Variants in CD1A observed in about 807,000 individuals in gnomAD.
The protein encoded by CD1A is T-cell surface glycoprotein CD1a.
In CD1A, 50 loss-of-function variants were observed where a neutral mutation model predicts 38.3. That is an observed-to-expected ratio of 1.30 (90% CI 1.04 to 1.65). The LOEUF (loss-of-function observed/expected upper bound fraction) is 1.65. Ranked by LOEUF, CD1A falls within the 40% of genes most tolerant of loss-of-function variation. The pLI, the probability that CD1A is intolerant of heterozygous loss-of-function variation, is 0.00. For missense variants in CD1A, 459 were observed against 406.1 expected, an observed-to-expected ratio of 1.13 and a Z score of -1.12; for synonymous variants, 160 against 150.8, an observed-to-expected ratio of 1.06 and a Z score of -0.45.
chr1:158,256,260 A>ATCTCC lies in CD1A; in HGVS notation c.582_583insTCTCC (p.Lys195SerfsTer10). ...TCATCTTGGGTCTTCTTGATGCAGGAAAGGCACATCTCCAGCGGCAAGGTC... is the reference window on the plus strand; with the variant it reads ...TCATCTTGGGTCTTCTTGATGCAGGATCTCCAAGGCACATCTCCAGCGGCAAGGTC... On this transcript the variant is annotated frameshift_variant, in exon 3 of 6. Transcript: ENST00000289429. LOFTEE classifies it high-confidence loss of function. The ATCTCC allele has an allele frequency of 6.2e-7, 1 of 1,614,030 alleles. No individual in the cohort carries two copies. Among genetic ancestry groups the ATCTCC allele is most frequent in the Non-Finnish European group, 8.5e-7 (1 of 1,179,998 alleles).
upstream of CD1A, among the ~76,000 whole-genome samples, chr1:158,251,625 GT>G (rs1650091208): frequency 6.6e-6 from 1 of 152,140 alleles, no homozygotes; most frequent in Non-Finnish European, 1.5e-5. Context: ...TAAGAGCACT[GT>G]CTTTTGTTCT....
the CD1A span, among the ~76,000 whole-genome samples, chr1:158,248,939 T>C: frequency 6.6e-6 from 1 of 152,178 alleles, no homozygotes; most frequent in East Asian, 1.9e-4. Context: ...CTGATAAAGA[T>C]CAGCTCTGCC....
chr1:158,249,075 GCTCATAAAA>G, the CD1A span, among the ~76,000 whole-genome samples: 4 of 152,232 alleles, frequency 2.6e-5, no homozygotes, highest in South Asian at 8.3e-4. Flanking sequence ...TTTCTGATCA[GCTCATAAAA>G]CTTTGGTCCC....
In CD1A at chr1:158,256,900, G is replaced by A. The variant is rs141060322; in HGVS notation, c.719G>A (p.Gly240Asp). Residue 240 changes from glycine (G) to aspartate (D), a missense_variant, in exon 4 of 6, where the codon GGT becomes GAT. Transcript: ENST00000289429. ...PKPVWVMWMR[G>D]EQEQQGTQRG... ...CCCGTGTGGGTGATGTGGATGCGGG[G>A]TGAGCAGGAGCAGCAGGGCACTCAG... 3.7e-3 allele frequency: 5,933 copies of A among 1,614,210 alleles called. 18 individuals are homozygous for A. Among genetic ancestry groups the A allele is most frequent in the Middle Eastern group, 5.6e-3 (34 of 6,056 alleles).
At chr1:158,254,823 G>A in intron 1 of CD1A, 96 bp downstream of exon 1, 1 of 836,720 alleles carries the variant, frequency 1.2e-6, no homozygotes. Flanking sequence ...GTGTGTGTGT[G>A]TGTGTGTGTG....
upstream of CD1A, among the ~76,000 whole-genome samples, chr1:158,253,724 G>A (rs186374029): frequency 1.8e-3 from 271 of 152,262 alleles, 1 homozygote; most frequent in Non-Finnish European, 2.9e-3. Flanking sequence ...CTGGGCTGGC[G>A]TACATTAGTT....
chr1:158,251,231 A>G (rs1650079028), upstream of CD1A, among the ~76,000 whole-genome samples: 1 of 152,252 alleles, frequency 6.6e-6, no homozygotes, highest in Non-Finnish European at 1.5e-5. Flanking sequence ...CTTCATGTAC[A>G]GTAGGCAGAA....
At chr1:158,255,500 G>A in intron 2 of CD1A, 150 bp downstream of exon 2, 1 of 811,676 alleles carries the variant, frequency 1.2e-6, no homozygotes, top group South Asian at 1.8e-5. Flanking sequence ...TTTTGGGCAA[G>A]GGCTATCATC....
In CD1A at chr1:158,256,769, T is replaced by C; in HGVS notation, c.605-17T>C. 6.2e-7 allele frequency: 1 copy of C among 1,607,664 alleles called. No homozygotes were observed. The highest frequency in any genetic ancestry group is 8.5e-7 in the Non-Finnish European group (1 of 1,175,256). Reference sequence around the variant, plus strand: ...AACTCCAAGTCTGTATTTGAATATCTTTTCTGTCCTTTGCAGTGAAGCCCG... The same window carrying C: ...AACTCCAAGTCTGTATTTGAATATCCTTTCTGTCCTTTGCAGTGAAGCCCG... On this transcript the variant is annotated splice_polypyrimidine_tract_variant and intron_variant, in intron 3 of 5. Coordinates refer to ENST00000289429, the MANE Select transcript of CD1A (RefSeq NM_001763.3).
At chr1:158,256,689 AG>A in intron 3 of CD1A, 96 bp from the exon 4 acceptor site, 13 of 1,397,478 alleles carry the variant, frequency 9.3e-6, no homozygotes, top group South Asian at 1.4e-5. Context: ...AAAAAAAAAA[AG>A]AGAAATGGGA....
chr1:158,256,832 C>T lies in CD1A; in HGVS notation c.651C>T (p.Gly217=). 6.2e-7 allele frequency: 1 copy of T among 1,614,258 alleles called. No individual in the cohort carries two copies. Among genetic ancestry groups the T allele is most frequent in the Non-Finnish European group, 8.5e-7 (1 of 1,180,056 alleles). The change falls in exon 4 of 6, where the codon GGC becomes GGT. Residue 217 remains glycine, a synonymous_variant. Transcript: ENST00000289429. The part of the protein sequence containing the change: ...WLSHGPSPGP[G]HLQLVCHVSG... ...CCCATGGCCCCAGTCCTGGCCCTGG[C>T]CATCTGCAGCTTGTGTGCCATGTCT...
chr1:158,248,959 C>G, the CD1A span, among the ~76,000 whole-genome samples: 11 of 152,194 alleles, frequency 7.2e-5, no homozygotes, highest in Non-Finnish European at 1.5e-4. Context: ...CCACAGAAAG[C>G]TGGGGTGGAG....
intron 2 of CD1A, 38 bp from the exon 3 acceptor site, chr1:158,255,966 A>G: frequency 6.3e-7 from 1 of 1,575,598 alleles, no homozygotes; most frequent in Non-Finnish European, 8.6e-7. Context: ...TTCATTTTAT[A>G]TTTTTTTCTC....
chr1:158,256,552 C>T (rs1241281492), intron 3 of CD1A, among the ~76,000 whole-genome samples: 2 of 152,004 alleles, frequency 1.3e-5, no homozygotes, highest in East Asian at 3.9e-4. Flanking sequence ...CACCTGTAGT[C>T]CCAGTTACTT....
At chr1:158,252,071 C>T (rs79039536), upstream of CD1A, among the ~76,000 whole-genome samples, 11,437 of 151,854 alleles carry the variant, frequency 0.075, 778 homozygotes, top group East Asian at 0.38. Context: ...CCTTGTGATC[C>T]GCCCACGTTG....
upstream of CD1A, among the ~76,000 whole-genome samples, chr1:158,251,447 TCCTAG>T: frequency 6.6e-6 from 1 of 152,338 alleles, no homozygotes; most frequent in East Asian, 1.9e-4. Context: ...ATTGCTCTGT[TCCTAG>T]GGTGGGGCTG....
intron 5 of CD1A, 45 bp downstream of exon 5, chr1:158,257,556 A>G (rs752370233): frequency 3.8e-6 from 6 of 1,580,622 alleles, no homozygotes; most frequent in Non-Finnish European, 5.2e-6. Flanking sequence ...CCTCTACCCC[A>G]CTTTTCTTCC....
At chr1:158,257,335 A>C in intron 4 of CD1A, 86 bp from the exon 5 acceptor site, 1 of 1,077,808 alleles carries the variant, frequency 9.3e-7, no homozygotes, top group South Asian at 1.4e-5. Flanking sequence ...TGAAAAAAAG[A>C]AGCCCAGGGA....
chr1:158,255,137 C>A lies in CD1A; in HGVS notation c.112C>A (p.His38Asn). ...CACCTGGATCGCATCCTTTTACAAC[C>A]ATTCCTGGAAACAAAATCTGGTCTC... Reference protein sequence around the residue: ...HVTWIASFYNHSWKQNLVSGW... With the variant: ...HVTWIASFYNNSWKQNLVSGW... Residue 38 changes from histidine to asparagine, a missense_variant, in exon 2 of 6, where the codon CAT becomes AAT. Coordinates refer to ENST00000289429, the MANE Select transcript of CD1A (RefSeq NM_001763.3). The A allele has an allele frequency of 3.7e-6, 6 of 1,614,148 alleles. No homozygotes were observed. Among genetic ancestry groups the A allele is most frequent in the Non-Finnish European group, 5.1e-6 (6 of 1,180,020 alleles).
Sources: gnomAD v4.1 joint callset for allele counts (sites outside exome capture counted in the v4.1 genomes callset) on GRCh38, gnomAD v4.1.1 for gene constraint, MANE v1.5 for transcripts, NCBI Gene and HGNC (gene_info 2026-07-23, HGNC 2026-07-21) for gene names.